The following MYO1D variants were observed in gnomAD, a reference collection of about 807,000 sequenced individuals.
The protein encoded by MYO1D is myosin ID, also known as unconventional myosin-Id.
In MYO1D, 83 loss-of-function variants were observed where a neutral mutation model predicts 122.0. The observed-to-expected ratio is 0.68, with a 90% CI of 0.57 to 0.82. The LOEUF (loss-of-function observed/expected upper bound fraction) is 0.82. Ranked by LOEUF, MYO1D falls within the 40% of genes least tolerant of loss-of-function variation. MYO1D has a pLI of 0.00. For missense variants in MYO1D, 1,157 were observed against 1,269.5 expected (o/e 0.91, Z 1.35); for synonymous variants, 464 against 446.9 (o/e 1.04, Z -0.48).
At chr17:32,729,650 A>T (rs1192072231) in intron 14 of MYO1D, among the ~76,000 whole-genome samples, 1 of 152,216 alleles carries the variant, frequency 6.6e-6, no homozygotes, top group African/African-American at 2.4e-5. Flanking sequence ...CCTACACCTC[A>T]TGGTTGTTTT....
chr17:32,501,691 A>G (rs892758671), intron 21 of MYO1D, among the ~76,000 whole-genome samples: 93 of 152,340 alleles, frequency 6.1e-4, no homozygotes, highest in African/African-American at 2.1e-3. Context: ...GTCCGCGAGG[A>G]CAGACGAGCC....
At chr17:32,731,552 G>C (rs1404457372) in intron 14 of MYO1D, among the ~76,000 whole-genome samples, 1 of 152,154 alleles carries the variant, frequency 6.6e-6, no homozygotes, top group Non-Finnish European at 1.5e-5. Flanking sequence ...TCTTTACTGT[G>C]AGCTAATTTT....
At position 32,874,735 on chromosome 17, in the gene MYO1D, C is replaced by A. The variant is rs570910422; in HGVS notation, c.95+2043G>T. On this transcript the variant is annotated intron_variant, in intron 1 of 21. Coordinates refer to ENST00000318217, the MANE Select transcript of MYO1D (RefSeq NM_015194.3). ...GCCAGGAATTCAAGAACAGTCTGCT[C>A]AACATAGCAACTCTAAGGGCCCATC... Among the ~76,000 whole-genome samples, 54 of 151,986 alleles carry A rather than the reference C, an allele frequency of 3.6e-4. No individual in the cohort carries two copies. The South Asian group carries it at 8.8e-3, about 25-fold the overall frequency.
At chr17:32,862,368 A>G (rs2091085000) in intron 1 of MYO1D, among the ~76,000 whole-genome samples, 1 of 152,250 alleles carries the variant, frequency 6.6e-6, no homozygotes, top group South Asian at 2.1e-4. Flanking sequence ...TATCCAGAAA[A>G]GAATAAAGAC....
At chr17:32,821,534 T>TCACACACACACA (rs575314294) in intron 1 of MYO1D, among the ~76,000 whole-genome samples, 1,491 of 143,118 alleles carry the variant, frequency 0.01, 41 homozygotes, top group African/African-American at 0.033. Flanking sequence ...GATAAGTAAA[T>TCACACACACACA]CACACATACA....
rs533501548 is a variant in MYO1D, at chr17:32,642,430, A to G, written c.2596-3595T>C. On this transcript the variant is annotated intron_variant, in intron 19 of 21. Transcript: ENST00000318217. ...GCAATGCAGGCTCTTTTTTGGTTCC[A>G]TATGAACTTTACAGTAGTTTTTTCC... 1.3e-3 allele frequency among the ~76,000 whole-genome samples: 199 copies of G among 152,274 alleles called. 1 individual carries two copies. The highest frequency in any genetic ancestry group is 4.5e-3 in the African/African-American group (187 of 41,560).
intron 16 of MYO1D, among the ~76,000 whole-genome samples, chr17:32,666,454 A>C (rs1358236564): frequency 1.3e-5 from 2 of 152,216 alleles, no homozygotes; most frequent in African/African-American, 2.4e-5. Flanking sequence ...AAGAGAGTGG[A>C]TATAAACACA....
At position 32,822,084 on chromosome 17, in the gene MYO1D, T is replaced by C. The variant is rs372620109; in HGVS notation, c.96-41300A>G. Among the ~76,000 whole-genome samples, 8 of 152,310 alleles carry C rather than the reference T, an allele frequency of 5.3e-5. No homozygotes were observed. In the East Asian group the frequency reaches 7.7e-4, roughly 15 times the overall value. ...AAAGACACATGCACACATATGTTTA[T>C]TGTGGCACTATTCACAATAGCAAAG... On this transcript the variant is annotated intron_variant, in intron 1 of 21. Transcript: ENST00000318217.
intron 21 of MYO1D, chr17:32,513,032 T>C (rs1909748973): frequency 6.6e-6 from 1 of 152,278 alleles, no homozygotes; most frequent in Non-Finnish European, 1.5e-5. Context: ...ATTGACTTGT[T>C]TGATACTTAG....
intron 16 of MYO1D, among the ~76,000 whole-genome samples, chr17:32,668,993 C>T (rs1020109266): frequency 1.1e-4 from 17 of 151,852 alleles, no homozygotes; most frequent in Admixed American, 4.6e-4. Flanking sequence ...TGAGCCACTG[C>T]GCCTGGCCGA....
chr17:32,582,696 T>C (rs2087353204), intron 21 of MYO1D, among the ~76,000 whole-genome samples: 1 of 152,240 alleles, frequency 6.6e-6, no homozygotes, highest in African/African-American at 2.4e-5. Flanking sequence ...ACATTTTCTA[T>C]ATGCTTACTG....
At chr17:32,723,560 C>T (rs544928169) in intron 14 of MYO1D, among the ~76,000 whole-genome samples, 2 of 152,064 alleles carry the variant, frequency 1.3e-5, no homozygotes, top group South Asian at 2.1e-4. Context: ...TCTGGCTTGG[C>T]CTGTGACATG....
intron 21 of MYO1D, among the ~76,000 whole-genome samples, chr17:32,526,142 T>G (rs1465956788): frequency 1.3e-5 from 2 of 151,628 alleles, no homozygotes; most frequent in African/African-American, 4.9e-5. Context: ...ACTTAACACA[T>G]TGCATTGTAA....
chr17:32,627,717 T>C (rs991183042), intron 20 of MYO1D: 1 of 152,092 alleles, frequency 6.6e-6, no homozygotes, highest in African/African-American at 2.4e-5. Context: ...CAAAACAACA[T>C]TCATGGGCAG....
chr17:32,562,058 A>T (rs1389290763), intron 21 of MYO1D, among the ~76,000 whole-genome samples: 1 of 151,474 alleles, frequency 6.6e-6, no homozygotes, highest in East Asian at 1.9e-4. Context: ...TGGCACAATC[A>T]CAGCTCACTG....
intron 1 of MYO1D, among the ~76,000 whole-genome samples, chr17:32,851,524 G>C (rs2090988778): frequency 6.6e-6 from 1 of 152,086 alleles, no homozygotes; most frequent in African/African-American, 2.4e-5. Flanking sequence ...ATGCAACCTG[G>C]CTAACTCCCT....
chr17:32,513,435 A>G (rs1909764714), intron 21 of MYO1D, among the ~76,000 whole-genome samples: 3 of 152,180 alleles, frequency 2.0e-5, no homozygotes, highest in Admixed American at 2.0e-4. Flanking sequence ...GGAGGTGGAA[A>G]GAGAGAATGA....
At chr17:32,712,740 T>C (rs369915563) in intron 15 of MYO1D, among the ~76,000 whole-genome samples, 22 of 152,322 alleles carry the variant, frequency 1.4e-4, no homozygotes, top group East Asian at 1.2e-3. Context: ...CAAAAATTAA[T>C]TGCATTTCTA....
chr17:32,513,249 G>A (rs747252254), intron 21 of MYO1D, among the ~76,000 whole-genome samples: 3 of 152,186 alleles, frequency 2.0e-5, no homozygotes, highest in Non-Finnish European at 4.4e-5. Flanking sequence ...TTTTGAGGTA[G>A]GATGACCAAT....
Sources: allele counts gnomAD v4.1 joint callset (sites outside exome capture counted in the v4.1 genomes callset), GRCh38; gene constraint gnomAD v4.1.1; transcripts MANE v1.5; gene names NCBI Gene and HGNC (gene_info 2026-07-23, HGNC 2026-07-21).